The following RBFOX1 variants were observed in gnomAD, a reference collection of about 807,000 sequenced individuals.
The protein encoded by RBFOX1 is RNA binding fox-1 homolog 1, also known as RNA binding protein fox-1 homolog 1.
A neutral mutation model predicts 57.7 loss-of-function variants in RBFOX1; 8 were observed. The observed-to-expected ratio is 0.14, with a 90% CI of 0.08 to 0.25. The LOEUF (loss-of-function observed/expected upper bound fraction) is 0.25, where lower values mean the gene tolerates loss of function less well. Among genes scored for constraint, RBFOX1 ranks in the 10% least tolerant of loss-of-function variants. RBFOX1 has a pLI of 1.00. For missense variants in RBFOX1, 611 were observed against 548.5 expected (o/e 1.11, Z -1.14); for synonymous variants, 326 against 222.4 (o/e 1.47, Z -4.15).
At chr16:6,387,787 C>G (rs374779314) in intron 2 of RBFOX1, among the ~76,000 whole-genome samples, 54 of 152,018 alleles carry the variant, frequency 3.6e-4, no homozygotes, top group African/African-American at 1.3e-3. Context: ...ATTTTTCCCT[C>G]TGGTGATCAT....
chr16:7,222,509 T>G (rs118021423), intron 4 of RBFOX1, among the ~76,000 whole-genome samples: 1 of 152,178 alleles, frequency 6.6e-6, no homozygotes, highest in Admixed American at 6.5e-5. Flanking sequence ...CTAATGCATG[T>G]TAGCACTCTT....
chr16:6,567,092 C>T (rs1183657352), intron 2 of RBFOX1, among the ~76,000 whole-genome samples: 1 of 152,126 alleles, frequency 6.6e-6, no homozygotes, highest in African/African-American at 2.4e-5. Context: ...GAGACTGATA[C>T]TCTATTAAAT....
At chr16:7,101,347 G>A (rs1374921346) in intron 4 of RBFOX1, among the ~76,000 whole-genome samples, 1 of 152,164 alleles carries the variant, frequency 6.6e-6, no homozygotes, top group African/African-American at 2.4e-5. Flanking sequence ...AAAATAAAAG[G>A]GAATTTAGGA....
At chr16:7,145,168 T>G (rs1014489675) in intron 4 of RBFOX1, among the ~76,000 whole-genome samples, 1 of 152,150 alleles carries the variant, frequency 6.6e-6, no homozygotes, top group Non-Finnish European at 1.5e-5. Flanking sequence ...CCCAATCATT[T>G]CTTTACCCCC....
intron 3 of RBFOX1, among the ~76,000 whole-genome samples, chr16:5,658,023 C>T (rs1244987302): frequency 1.3e-5 from 2 of 152,076 alleles, no homozygotes; most frequent in African/African-American, 2.4e-5. Flanking sequence ...TGAGCCACTG[C>T]GCCCAGCTAA....
intron 3 of RBFOX1, among the ~76,000 whole-genome samples, chr16:5,706,940 A>T (rs2051271810): frequency 6.6e-6 from 1 of 152,006 alleles, no homozygotes; most frequent in African/African-American, 2.4e-5. Context: ...TCTTACCTTC[A>T]TACACAGTCC....
chr16:7,264,117 C>A (rs1447790020), intron 4 of RBFOX1, among the ~76,000 whole-genome samples: 1 of 152,016 alleles, frequency 6.6e-6, no homozygotes, highest in Non-Finnish European at 1.5e-5. Flanking sequence ...AAATGACTAC[C>A]CTCTTTGTAG....
intron 3 of RBFOX1, among the ~76,000 whole-genome samples, chr16:6,792,035 T>A (rs927143914): frequency 6.6e-6 from 1 of 152,130 alleles, no homozygotes; most frequent in African/African-American, 2.4e-5. Flanking sequence ...ATGAAAGATT[T>A]TACCCTGAAT....
intron 3 of RBFOX1, among the ~76,000 whole-genome samples, chr16:7,051,847 C>G (rs562547379): frequency 2.0e-5 from 3 of 152,306 alleles, no homozygotes; most frequent in East Asian, 3.9e-4. Flanking sequence ...CCTTTCCAGT[C>G]TCTGACTTAT....
At chr16:6,452,256 C>T (rs1252174952) in intron 2 of RBFOX1, among the ~76,000 whole-genome samples, 2 of 150,220 alleles carry the variant, frequency 1.3e-5, no homozygotes, top group Admixed American at 6.6e-5. Flanking sequence ...CCATCCATGA[C>T]TCCATCCATG....
chr16:6,707,478 G>GTTT (rs61418784), intron 3 of RBFOX1, among the ~76,000 whole-genome samples: 32,003 of 127,844 alleles, frequency 0.25, 4,539 homozygotes, highest in East Asian at 0.49. Context: ...TCCCATTTTT[G>GTTT]TTTTTTTTTT....
At chr16:6,931,158 C>A (rs181636532) in intron 3 of RBFOX1, among the ~76,000 whole-genome samples, 2 of 151,884 alleles carry the variant, frequency 1.3e-5, no homozygotes, top group South Asian at 2.1e-4. Flanking sequence ...AACACATTGA[C>A]CTTTCTTTAC....
At chr16:5,847,335 A>G (rs2880590) in intron 3 of RBFOX1, among the ~76,000 whole-genome samples, 150,272 of 150,348 alleles carry the variant, frequency 1, 75,098 homozygotes, top group Middle Eastern at 1. Flanking sequence ...AGAACTTCTT[A>G]GCCTCAGTTT....
intron 1 of RBFOX1, among the ~76,000 whole-genome samples, chr16:6,295,973 T>C (rs1283147691): frequency 1.3e-5 from 2 of 152,302 alleles, no homozygotes; most frequent in Middle Eastern, 3.4e-3. Flanking sequence ...ATGGTTATCA[T>C]AGAGGGCAGG....
intron 2 of RBFOX1, among the ~76,000 whole-genome samples, chr16:6,421,247 C>A (rs897199420): frequency 6.6e-6 from 1 of 152,196 alleles, no homozygotes; most frequent in Non-Finnish European, 1.5e-5. Context: ...GGGCAGCCCG[C>A]ATCTCTGCTC....
At chr16:6,849,713 C>A (rs573617509) in intron 3 of RBFOX1, among the ~76,000 whole-genome samples, 1 of 151,990 alleles carries the variant, frequency 6.6e-6, no homozygotes, top group African/African-American at 2.4e-5. Context: ...AAAAGTCCAT[C>A]TGCCATGACT....
At chr16:5,634,444 T>A (rs1030816733) in intron 3 of RBFOX1, among the ~76,000 whole-genome samples, 1 of 152,188 alleles carries the variant, frequency 6.6e-6, no homozygotes, top group Non-Finnish European at 1.5e-5. Flanking sequence ...AGCTAATTAA[T>A]CATTTTAAAT....
intron 3 of RBFOX1, among the ~76,000 whole-genome samples, chr16:6,764,083 A>T (rs2076997573): frequency 6.6e-6 from 1 of 152,202 alleles, no homozygotes; most frequent in Non-Finnish European, 1.5e-5. Context: ...TCATAACGTG[A>T]TCTTAAAGGT....
At chr16:7,277,305 C>G (rs997265416) in intron 4 of RBFOX1, among the ~76,000 whole-genome samples, 1 of 152,106 alleles carries the variant, frequency 6.6e-6, no homozygotes, top group Non-Finnish European at 1.5e-5. Flanking sequence ...TGCAATGCAT[C>G]TGTGGTTACT....
Sources: allele counts gnomAD v4.1 joint callset (sites outside exome capture counted in the v4.1 genomes callset), GRCh38; gene constraint gnomAD v4.1.1; transcripts MANE v1.5; gene names NCBI Gene and HGNC (gene_info 2026-07-23, HGNC 2026-07-21).